LRRN2: variants seen among roughly 807,000 people sequenced by gnomAD.
LRRN2 encodes leucine-rich repeat neuronal protein 2.
LRRN2 carries 10 observed loss-of-function variants against 35.7 expected under a neutral mutation model. The observed-to-expected ratio is 0.28, with a 90% CI of 0.17 to 0.47. The LOEUF (loss-of-function observed/expected upper bound fraction) is 0.47, where lower values mean the gene tolerates loss of function less well. Ranked by LOEUF, LRRN2 falls within the 20% of genes least tolerant of loss-of-function variation. The probability of loss-of-function intolerance (pLI) is 0.99; values close to 1 mark genes in which losing one functional copy is unlikely to be tolerated. For missense variants in LRRN2, 731 were observed against 940.3 expected, an observed-to-expected ratio of 0.78 and a Z score of 2.91; for synonymous variants, 391 against 409.6, an observed-to-expected ratio of 0.95 and a Z score of 0.55.
At chr1:204,643,662 G>A (rs1157523053) in intron 1 of LRRN2, among the ~76,000 whole-genome samples, 8 of 152,044 alleles carry the variant, frequency 5.3e-5, no homozygotes, top group South Asian at 2.1e-4. Flanking sequence ...CTTCCTCATC[G>A]CCTCATTTTT....
rs115017249 is a variant in LRRN2 at position 204,626,335 on chromosome 1, C to T, written c.-226-6117G>A. ...TTTTCACTTCTGGCCTTGTCCTGTA[C>T]GGTGGCCTCTTTTGGGCTTTCCTGC... On this transcript the variant is annotated intron_variant, in intron 1 of 1. Transcript: ENST00000367177. 5.6e-3 allele frequency among the ~76,000 whole-genome samples: 856 copies of T among 152,202 alleles called. 6 individuals are homozygous for T. Among genetic ancestry groups the T allele is most frequent in the African/African-American group, 0.02 (820 of 41,502 alleles).
At chr1:204,659,415 C>T (rs527557602) in intron 1 of LRRN2, among the ~76,000 whole-genome samples, 42 of 152,210 alleles carry the variant, frequency 2.8e-4, no homozygotes, top group Non-Finnish European at 4.6e-4. Context: ...GAGCACCCTG[C>T]ATGGAGCCCG....
At chr1:204,657,417 G>A (rs2102615042) in intron 1 of LRRN2, among the ~76,000 whole-genome samples, 1 of 150,840 alleles carries the variant, frequency 6.6e-6, no homozygotes, top group East Asian at 1.9e-4. Context: ...ACTACAAAAA[G>A]GAACGAAGTA....
intron 1 of LRRN2, among the ~76,000 whole-genome samples, chr1:204,669,248 G>A (rs1310804604): frequency 6.6e-6 from 1 of 152,232 alleles, no homozygotes; most frequent in Non-Finnish European, 1.5e-5. Context: ...GGAAAGACAG[G>A]GAAGGGAAGG....
At chr1:204,668,721 G>A (rs181894910) in intron 1 of LRRN2, among the ~76,000 whole-genome samples, 6 of 152,292 alleles carry the variant, frequency 3.9e-5, no homozygotes, top group Admixed American at 6.5e-5. Context: ...TGAAACAGGC[G>A]ATCATAATAC....
intron 1 of LRRN2, among the ~76,000 whole-genome samples, chr1:204,676,108 A>G (rs1411553276): frequency 6.6e-6 from 1 of 151,190 alleles, no homozygotes; most frequent in Non-Finnish European, 1.5e-5. Flanking sequence ...TTGTCTGCTC[A>G]TTTTTATTTC....
intron 1 of LRRN2, among the ~76,000 whole-genome samples, chr1:204,677,644 G>A (rs544230000): frequency 3.0e-4 from 46 of 152,272 alleles, no homozygotes; most frequent in African/African-American, 1.1e-3. Flanking sequence ...GAATTCCAGA[G>A]AACATGGCTC....
At chr1:204,672,110 T>C (rs1395967949) in intron 1 of LRRN2, among the ~76,000 whole-genome samples, 3 of 152,150 alleles carry the variant, frequency 2.0e-5, no homozygotes, top group Non-Finnish European at 2.9e-5. Context: ...TTTTGCGAGA[T>C]TTGGGGAATA....
At chr1:204,641,677 T>C (rs930893408) in intron 1 of LRRN2, among the ~76,000 whole-genome samples, 1 of 152,248 alleles carries the variant, frequency 6.6e-6, no homozygotes. Flanking sequence ...AGTACATGTA[T>C]TAACAAAAGC....
At chr1:204,663,866 G>A (rs1025616029) in intron 1 of LRRN2, 2 of 152,222 alleles carry the variant, frequency 1.3e-5, no homozygotes, top group African/African-American at 2.4e-5. Context: ...CAAGATCGAC[G>A]AGGGGAGAAA....
intron 1 of LRRN2, among the ~76,000 whole-genome samples, chr1:204,669,240 A>G (rs1668655608): frequency 6.6e-6 from 1 of 152,224 alleles, no homozygotes; most frequent in Middle Eastern, 3.2e-3. Context: ...TTGGTTGGGG[A>G]AAGACAGGGA....
At chr1:204,634,131 A>G (rs1000731450) in intron 1 of LRRN2, among the ~76,000 whole-genome samples, 3 of 152,252 alleles carry the variant, frequency 2.0e-5, no homozygotes, top group African/African-American at 7.2e-5. Flanking sequence ...AGCAAGCCTT[A>G]ATGATTTTTA....
At chr1:204,660,524 A>G (rs1026632447) in intron 1 of LRRN2, among the ~76,000 whole-genome samples, 4 of 150,914 alleles carry the variant, frequency 2.7e-5, no homozygotes, top group African/African-American at 9.8e-5. Flanking sequence ...TGTGTCCTCT[A>G]CTTTCTCCCT....
chr1:204,618,637 T>A lies in LRRN2; in HGVS notation c.1356A>T (p.Glu452Asp). The change falls in exon 2 of 2, where the codon GAA becomes GAT. Residue 452 changes from glutamate (E) to aspartate (D), a missense_variant. By Grantham distance (45) the Glu-to-Asp change is conservative. Transcript: ENST00000367177. ...VLHCRALAEPEPEIYWVTPAG... is the reference protein window; with the variant it reads ...VLHCRALAEPDPEIYWVTPAG... Reference sequence around the variant, plus strand: ...CTGGAGTGACCCAGTAGATCTCGGGTTCGGGTTCGGCCAGTGCCCGGCAAT... The same window carrying A: ...CTGGAGTGACCCAGTAGATCTCGGGATCGGGTTCGGCCAGTGCCCGGCAAT... The A allele has an allele frequency of 6.2e-7, 1 of 1,611,580 alleles. No homozygotes were observed. Among genetic ancestry groups the A allele is most frequent in the Non-Finnish European group, 8.5e-7 (1 of 1,178,716 alleles).
chr1:204,678,092 T>C (rs1668865873), intron 1 of LRRN2, among the ~76,000 whole-genome samples: 1 of 152,102 alleles, frequency 6.6e-6, no homozygotes, highest in Non-Finnish European at 1.5e-5. Flanking sequence ...TGAGGAAGCG[T>C]TCCCTATATA....
chr1:204,665,915 T>G (rs963311173), intron 1 of LRRN2, among the ~76,000 whole-genome samples: 2 of 152,232 alleles, frequency 1.3e-5, no homozygotes, highest in Admixed American at 1.3e-4. Context: ...AGTAGACTTT[T>G]CAGCTTAGCA....
chr1:204,637,788 C>T (rs527329746), intron 1 of LRRN2, among the ~76,000 whole-genome samples: 5 of 152,094 alleles, frequency 3.3e-5, no homozygotes, highest in Admixed American at 1.3e-4. Context: ...ACACCCTGCT[C>T]ACCCTGTGGG....
rs780598649 is a variant in LRRN2 at position 204,618,646 on chromosome 1, G to T, written c.1347C>A (p.Ala449=). ...ESMVLHCRAL[A]EPEPEIYWVT... is the part of the protein sequence containing the mutation. ...CCCAGTAGATCTCGGGTTCGGGTTC[G>T]GCCAGTGCCCGGCAATGCAGCACCA... is the stretch of plus-strand genomic sequence containing the variant. Residue 449 remains alanine, a synonymous_variant, in exon 2 of 2, where the codon GCC becomes GCA. Transcript: ENST00000367177. The T allele has an allele frequency of 4.3e-6, 7 of 1,610,426 alleles. No homozygotes were observed. In the Admixed American group the frequency reaches 1.2e-4, roughly 27 times the overall value.
intron 1 of LRRN2, among the ~76,000 whole-genome samples, chr1:204,637,567 G>A (rs1211853015): frequency 6.6e-6 from 1 of 152,028 alleles, no homozygotes; most frequent in African/African-American, 2.4e-5. Context: ...GAGTCTCCCA[G>A]TTCTAAACCA....
Sources: gnomAD v4.1 joint callset for allele counts (sites outside exome capture counted in the v4.1 genomes callset) on GRCh38, gnomAD v4.1.1 for gene constraint, MANE v1.5 for transcripts, NCBI Gene and HGNC (gene_info 2026-07-23, HGNC 2026-07-21) for gene names.